The following SMYD3 variants were observed in gnomAD, a reference collection of about 807,000 sequenced individuals.
SMYD3 encodes histone-lysine N-methyltransferase SMYD3.
A neutral mutation model predicts 57.7 loss-of-function variants in SMYD3; 36 were observed. The ratio of observed to expected loss-of-function variants is 0.62; its 90% CI spans 0.48 to 0.82. SMYD3 has a LOEUF of 0.82. Ranked by LOEUF, SMYD3 falls within the 40% of genes least tolerant of loss-of-function variation. SMYD3 has a pLI of 0.00. For synonymous variants in SMYD3, 211 were observed against 195.0 expected, an observed-to-expected ratio of 1.08 and a Z score of -0.68; for missense variants, 515 against 538.8, an observed-to-expected ratio of 0.96 and a Z score of 0.44.
intron 5 of SMYD3, among the ~76,000 whole-genome samples, chr1:245,962,499 T>C (rs1269527763): frequency 6.6e-6 from 1 of 152,176 alleles, no homozygotes; most frequent in Non-Finnish European, 1.5e-5. Flanking sequence ...GCCGTCCACA[T>C]GGTTATTTTA....
intron 10 of SMYD3, among the ~76,000 whole-genome samples, chr1:245,814,844 GCACGCACACACACGCAAGCACACACA>G (rs2148306090): frequency 6.8e-6 from 1 of 146,684 alleles, no homozygotes; most frequent in African/African-American, 2.5e-5. Flanking sequence ...GCACACACAT[GCACGCACACACACGCAAGCACACACA>G]CACGCACGCA....
intron 1 of SMYD3, among the ~76,000 whole-genome samples, chr1:246,396,556 C>T (rs2066676301): frequency 6.6e-6 from 1 of 152,144 alleles, no homozygotes; most frequent in Non-Finnish European, 1.5e-5. Context: ...TATTTTGATA[C>T]TTAAGATAAC....
intron 1 of SMYD3, among the ~76,000 whole-genome samples, chr1:246,439,784 C>A (rs2067435973): frequency 6.6e-6 from 1 of 152,032 alleles, no homozygotes; most frequent in South Asian, 2.1e-4. Context: ...CACATCTCTA[C>A]TAAAAAAACA....
intron 11 of SMYD3, among the ~76,000 whole-genome samples, chr1:245,752,569 A>T (rs544826896): frequency 4.1e-4 from 62 of 152,350 alleles, no homozygotes; most frequent in African/African-American, 1.5e-3. Context: ...CTTTTCTTCC[A>T]GTTCCAGTGG....
At chr1:246,399,074 T>C (rs925303109) in intron 1 of SMYD3, among the ~76,000 whole-genome samples, 1 of 152,192 alleles carries the variant, frequency 6.6e-6, no homozygotes, top group African/African-American at 2.4e-5. Flanking sequence ...CAGGCTGCAG[T>C]GCAGTGGCAT....
chr1:246,018,231 C>T (rs1167715485), intron 5 of SMYD3, among the ~76,000 whole-genome samples: 2 of 152,160 alleles, frequency 1.3e-5, no homozygotes, highest in African/African-American at 4.8e-5. Context: ...GAGTTCACAC[C>T]AGTCTCTCTA....
At chr1:246,124,730 C>T (rs1249055955) in intron 5 of SMYD3, among the ~76,000 whole-genome samples, 1 of 152,140 alleles carries the variant, frequency 6.6e-6, no homozygotes, top group Non-Finnish European at 1.5e-5. Flanking sequence ...GTGATGGCTT[C>T]AGCTAGAATA....
At chr1:246,167,720 A>G (rs2148227335) in intron 5 of SMYD3, among the ~76,000 whole-genome samples, 1 of 152,172 alleles carries the variant, frequency 6.6e-6, no homozygotes, top group East Asian at 1.9e-4. Flanking sequence ...CACGTTGGCC[A>G]GGCTGGTCTC....
At chr1:245,815,070 G>A (rs542800569) in intron 10 of SMYD3, among the ~76,000 whole-genome samples, 7 of 152,308 alleles carry the variant, frequency 4.6e-5, no homozygotes, top group Admixed American at 2.6e-4. Flanking sequence ...TGATCCATCC[G>A]CTAAATCTTT....
At chr1:245,785,455 T>G (rs1413076959) in intron 10 of SMYD3, among the ~76,000 whole-genome samples, 1 of 152,146 alleles carries the variant, frequency 6.6e-6, no homozygotes, top group East Asian at 1.9e-4. Context: ...GATGCAATAC[T>G]GTGCCTTTCA....
intron 8 of SMYD3, among the ~76,000 whole-genome samples, chr1:245,883,907 T>C (rs1338191658): frequency 1.3e-5 from 2 of 152,318 alleles, no homozygotes; most frequent in African/African-American, 4.8e-5. Context: ...GAGTGGGTGA[T>C]GTAAAAAAGA....
chr1:245,777,977 G>A (rs1030734208), intron 10 of SMYD3, among the ~76,000 whole-genome samples: 1 of 151,864 alleles, frequency 6.6e-6, no homozygotes, highest in African/African-American at 2.4e-5. Context: ...ACCCCCCAAA[G>A]AAATAAAGAC....
At chr1:246,365,085 C>T (rs928262334) in intron 1 of SMYD3, among the ~76,000 whole-genome samples, 1 of 152,102 alleles carries the variant, frequency 6.6e-6, no homozygotes, top group Admixed American at 6.5e-5. Context: ...CTGTTACATA[C>T]AAAGTAACCA....
At chr1:245,960,303 C>T (rs2057965205) in intron 5 of SMYD3, among the ~76,000 whole-genome samples, 1 of 152,192 alleles carries the variant, frequency 6.6e-6, no homozygotes, top group Admixed American at 6.5e-5. Flanking sequence ...GTTGACTCCA[C>T]AGGAAAAGAC....
At chr1:246,174,976 G>A (rs2062409318) in intron 5 of SMYD3, among the ~76,000 whole-genome samples, 1 of 152,138 alleles carries the variant, frequency 6.6e-6, no homozygotes, top group African/African-American at 2.4e-5. Flanking sequence ...GTATTAATGA[G>A]AGTGTGGGTT....
chr1:245,933,702 G>C (rs1404769900), intron 5 of SMYD3, among the ~76,000 whole-genome samples: 1 of 152,150 alleles, frequency 6.6e-6, no homozygotes, highest in East Asian at 1.9e-4. Context: ...AACACACAAA[G>C]TGAATACCTT....
At chr1:245,967,509 G>A (rs1328221580) in intron 5 of SMYD3, among the ~76,000 whole-genome samples, 2 of 152,206 alleles carry the variant, frequency 1.3e-5, no homozygotes, top group African/African-American at 2.4e-5. Flanking sequence ...GTGGAAGTGT[G>A]GAGTTGTCTC....
chr1:246,286,733 C>T (rs933752362), intron 5 of SMYD3, among the ~76,000 whole-genome samples: 3 of 152,124 alleles, frequency 2.0e-5, no homozygotes, highest in African/African-American at 7.2e-5. Flanking sequence ...CGTAGGTCTG[C>T]TGCCTCTCAA....
chr1:246,458,790 C>G (rs1395066440), intron 1 of SMYD3, among the ~76,000 whole-genome samples: 1 of 151,974 alleles, frequency 6.6e-6, no homozygotes, highest in East Asian at 1.9e-4. Context: ...AAATACAGTA[C>G]ATTATATCCA....
Sources: gnomAD v4.1 joint callset for allele counts (sites outside exome capture counted in the v4.1 genomes callset) on GRCh38, gnomAD v4.1.1 for gene constraint, MANE v1.5 for transcripts, NCBI Gene and HGNC (gene_info 2026-07-23, HGNC 2026-07-21) for gene names.